Variants in GRPR observed in about 807,000 individuals in gnomAD.
GRPR encodes the protein gastrin-releasing peptide receptor.
GRPR carries 4 observed loss-of-function variants against 15.6 expected under a neutral mutation model. That is an observed-to-expected ratio of 0.26 (90% CI 0.13 to 0.59). GRPR has a LOEUF of 0.59. GRPR is among the 20% of genes least tolerant of loss of function. The probability of loss-of-function intolerance (pLI) is 0.90; values close to 1 mark genes in which losing one functional copy is unlikely to be tolerated. For missense variants in GRPR, 270 were observed against 304.1 expected, an observed-to-expected ratio of 0.89 and a Z score of 0.83; for synonymous variants, 128 against 126.8, an observed-to-expected ratio of 1.01 and a Z score of -0.06.
chrX:16,140,319 A>G (rs544128328), intron 1 of GRPR, among the ~76,000 whole-genome samples: 103 of 112,773 alleles, frequency 9.1e-4, no homozygotes, highest in Middle Eastern at 9.2e-3. Context: ...GTATTTTATT[A>G]TGATAATTTA....
chrX:16,144,954 G>A (rs1028006829), intron 1 of GRPR, among the ~76,000 whole-genome samples: 4 of 111,823 alleles, frequency 3.6e-5, no homozygotes, highest in Non-Finnish European at 5.7e-5. Flanking sequence ...AAGGAACCTG[G>A]AACATTTTTA....
rs1315817048 is a variant in GRPR, at chrX:16,130,904, C to A, written c.413+6538C>A. Among the ~76,000 whole-genome samples, 3 of 112,481 alleles carry A rather than the reference C, an allele frequency of 2.7e-5. No individual in the cohort carries two copies. In the East Asian group the frequency reaches 8.3e-4, roughly 31 times the overall value. On this transcript the variant is annotated intron_variant, in intron 1 of 2. Transcript: ENST00000380289. ...GCAGTGGAACTACCACAGCTGCCAG[C>A]AGCCTCTGGGAATGATGAGAGGACA...
At chrX:16,135,375 T>C (rs1922433126) in intron 1 of GRPR, among the ~76,000 whole-genome samples, 1 of 112,534 alleles carries the variant, frequency 8.9e-6, no homozygotes. Context: ...TGTCTTTCTT[T>C]GTCTTCTTTC....
At chrX:16,124,583 G>GA (rs1211492938) in intron 1 of GRPR, among the ~76,000 whole-genome samples, 19 of 107,991 alleles carry the variant, frequency 1.8e-4, no homozygotes, top group East Asian at 8.6e-4. Context: ...AGACAGATGA[G>GA]AAAAAAAAAA....
chrX:16,144,500 A>G (rs773346524), intron 1 of GRPR, among the ~76,000 whole-genome samples: 34 of 112,022 alleles, frequency 3.0e-4, no homozygotes, highest in Non-Finnish European at 6.2e-4. Context: ...GTAGGTAATT[A>G]TGGACAAATA....
chrX:16,140,811 C>T (rs187400886), intron 1 of GRPR, among the ~76,000 whole-genome samples: 2 of 111,700 alleles, frequency 1.8e-5, no homozygotes, highest in East Asian at 2.8e-4. Context: ...ATCCTTGCCT[C>T]GGGGTCTGTT....
chrX:16,150,133 G>T (rs1234042042), intron 1 of GRPR, among the ~76,000 whole-genome samples, 172 bp from the exon 2 acceptor site: 1 of 110,992 alleles, frequency 9.0e-6, no homozygotes, highest in African/African-American at 3.3e-5. Flanking sequence ...AAAATTTAAG[G>T]AGGCACTCAC....
intron 1 of GRPR, among the ~76,000 whole-genome samples, chrX:16,138,701 TG>T (rs1409261103): frequency 8.9e-6 from 1 of 111,942 alleles, no homozygotes; most frequent in Admixed American, 9.5e-5. Flanking sequence ...CTTGCTGTTT[TG>T]TTTTTTTTCT....
At position 16,124,653 on chromosome X, in the gene GRPR, T is replaced by A. The variant is rs147309074; in HGVS notation, c.413+287T>A. 3.3e-3 allele frequency among the ~76,000 whole-genome samples: 373 copies of A among 112,027 alleles called. 1 individual carries two copies. The highest frequency in any genetic ancestry group is 0.012 in the African/African-American group (359 of 30,840). ...AGACATATCTATTTAGCATTGCCTT[T>A]TCCTAACTTCTCCCTCCTTGCAAAA... On this transcript the variant is annotated intron_variant, in intron 1 of 2. Coordinates refer to ENST00000380289, the MANE Select transcript of GRPR (RefSeq NM_005314.3).
At chrX:16,150,119 G>A (rs1922671819) in intron 1 of GRPR, among the ~76,000 whole-genome samples, 186 bp from the exon 2 acceptor site, 1 of 111,057 alleles carries the variant, frequency 9.0e-6, no homozygotes, top group South Asian at 3.9e-4. Context: ...GCTATTTGGA[G>A]TACAAAATTT....
intron 1 of GRPR, among the ~76,000 whole-genome samples, chrX:16,137,754 G>A (rs1247356589): frequency 1.8e-5 from 2 of 111,708 alleles, no homozygotes; most frequent in Non-Finnish European, 3.8e-5. Context: ...AGTAGTGTGT[G>A]TGACTGGGAG....
chrX:16,130,903 G>A lies in GRPR; in HGVS notation c.413+6537G>A, dbSNP rs775203301. On this transcript the variant is annotated intron_variant, in intron 1 of 2. Transcript: ENST00000380289. The stretch of plus-strand genomic sequence containing the variant: ...GGCAGTGGAACTACCACAGCTGCCA[G>A]CAGCCTCTGGGAATGATGAGAGGAC... Among the ~76,000 whole-genome samples, 25 of 112,489 alleles carry A rather than the reference G, an allele frequency of 2.2e-4. No homozygotes were observed. In the East Asian group the frequency reaches 4.7e-3, roughly 21 times the overall value.
intron 1 of GRPR, among the ~76,000 whole-genome samples, chrX:16,134,088 A>G (rs1462047896): frequency 8.9e-6 from 1 of 111,948 alleles, no homozygotes; most frequent in Non-Finnish European, 1.9e-5. Context: ...ATTTCATACT[A>G]GAGTCAGACC....
chrX:16,149,843 C>G (rs761619641), intron 1 of GRPR, among the ~76,000 whole-genome samples: 80 of 110,933 alleles, frequency 7.2e-4, no homozygotes, highest in Admixed American at 4.4e-3. Flanking sequence ...GTATTGCACA[C>G]TCGAAAATTG....
At chrX:16,138,912 C>T (rs535983476) in intron 1 of GRPR, among the ~76,000 whole-genome samples, 4 of 112,002 alleles carry the variant, frequency 3.6e-5, no homozygotes, top group African/African-American at 1.3e-4. Context: ...TTGTCATTTT[C>T]TTTTGTTTGC....
intron 2 of GRPR, among the ~76,000 whole-genome samples, chrX:16,152,026 TTC>T (rs766962103): frequency 9.3e-6 from 1 of 107,153 alleles, no homozygotes; most frequent in East Asian, 2.8e-4. Context: ...ATTTCTGTGT[TTC>T]TGACTCTTTT....
At chrX:16,136,393 A>G (rs1172852432) in intron 1 of GRPR, among the ~76,000 whole-genome samples, 1 of 111,289 alleles carries the variant, frequency 9.0e-6, no homozygotes, top group Non-Finnish European at 1.9e-5. Flanking sequence ...TGCTTCCCCA[A>G]TTAGATTTTA....
At chrX:16,125,080 G>A (rs746787943) in intron 1 of GRPR, among the ~76,000 whole-genome samples, 28 of 112,534 alleles carry the variant, frequency 2.5e-4, no homozygotes, top group Non-Finnish European at 3.8e-4. Flanking sequence ...TGGGGAGGAA[G>A]AGGGAGTTCA....
chrX:16,152,367 G>C lies in GRPR; in HGVS notation c.877G>C (p.Glu293Gln). 1 of 1,210,739 alleles carries C rather than the reference G, an allele frequency of 8.3e-7. No homozygotes were observed. Among genetic ancestry groups the C allele is most frequent in the Non-Finnish European group, 1.1e-6 (1 of 894,691 alleles). ...CCTGTACCGCTCCTACCACTACTCT[G>C]AGGTGGACACCTCCATGCTCCACTT... ...IYLYRSYHYS[E>Q]VDTSMLHFVT... Residue 293 changes from glutamate to glutamine, a missense_variant, in exon 3 of 3, where the codon GAG becomes CAG. By Grantham distance (29) the Glu-to-Gln change is conservative. This residue lies in a region of GRPR where 133 missense variants were observed against 123.4 expected (regional missense o/e 1.08). Transcript: ENST00000380289.
Sources: gnomAD v4.1 joint callset for allele counts (sites outside exome capture counted in the v4.1 genomes callset) on GRCh38, gnomAD v4.1.1 for gene constraint, gnomAD v4.1.1 regional missense constraint, MANE v1.5 for transcripts, NCBI Gene and HGNC (gene_info 2026-07-23, HGNC 2026-07-21) for gene names.